Variants in WASF1 observed in about 807,000 individuals in gnomAD.
The protein encoded by WASF1 is actin-binding protein WASF1.
A neutral mutation model predicts 50.5 loss-of-function variants in WASF1; 7 were observed. The observed-to-expected ratio is 0.14, with a 90% CI of 0.08 to 0.26. The LOEUF (loss-of-function observed/expected upper bound fraction) is 0.26. Ranked by LOEUF, WASF1 falls within the 10% of genes least tolerant of loss-of-function variation. The pLI, the probability that WASF1 is intolerant of heterozygous loss-of-function variation, is 1.00. For missense variants in WASF1, 470 were observed against 694.7 expected (o/e 0.68, Z 3.64); for synonymous variants, 205 against 244.0 (o/e 0.84, Z 1.49).
chr6:110,130,801 C>G (rs867608509), intron 3 of WASF1, among the ~76,000 whole-genome samples: 79 of 152,284 alleles, frequency 5.2e-4, no homozygotes, highest in African/African-American at 1.8e-3. Flanking sequence ...GAGACTGTAC[C>G]AACACTTTAC....
chr6:110,103,920 T>C (rs891393740), intron 8 of WASF1, among the ~76,000 whole-genome samples: 32 of 152,138 alleles, frequency 2.1e-4, no homozygotes, highest in Admixed American at 2.1e-3. Context: ...TTTAGTTCTT[T>C]ACAAGAAGAT....
At chr6:110,176,817 T>C (rs1028527271) in intron 2 of WASF1, among the ~76,000 whole-genome samples, 8 of 152,072 alleles carry the variant, frequency 5.3e-5, no homozygotes, top group Non-Finnish European at 8.8e-5. Flanking sequence ...GAAAACATTA[T>C]AAAACAAATT....
intron 2 of WASF1, among the ~76,000 whole-genome samples, chr6:110,161,636 T>G (rs1776266911): frequency 6.6e-6 from 1 of 151,634 alleles, no homozygotes; most frequent in Non-Finnish European, 1.5e-5. Context: ...TTCTATAGCT[T>G]TTTTAAAAAA....
At chr6:110,174,150 C>T (rs899044781) in intron 2 of WASF1, among the ~76,000 whole-genome samples, 3 of 152,150 alleles carry the variant, frequency 2.0e-5, no homozygotes, top group Non-Finnish European at 4.4e-5. Context: ...TAAGCTTTAA[C>T]TGTTTCACCT....
chr6:110,126,995 T>A (rs925424945), intron 4 of WASF1, among the ~76,000 whole-genome samples: 2 of 152,164 alleles, frequency 1.3e-5, no homozygotes, highest in Non-Finnish European at 2.9e-5. Context: ...CCCACTTGAC[T>A]AGCCTACCCC....
intron 2 of WASF1, among the ~76,000 whole-genome samples, chr6:110,164,413 A>C (rs1347707818): frequency 6.6e-6 from 1 of 151,730 alleles, no homozygotes; most frequent in Non-Finnish European, 1.5e-5. Flanking sequence ...ATACTTCACC[A>C]AAAGAGATAC....
intron 3 of WASF1, among the ~76,000 whole-genome samples, chr6:110,153,225 A>G (rs548390842): frequency 7.9e-5 from 12 of 152,330 alleles, no homozygotes; most frequent in African/African-American, 1.4e-4. Flanking sequence ...AAAAAACTAC[A>G]AAATTGCTTT....
chr6:110,108,438 C>A, intron 6 of WASF1, 90 bp downstream of exon 6: 1 of 1,362,986 alleles, frequency 7.3e-7, no homozygotes, highest in Non-Finnish European at 1.0e-6. Context: ...TTGGCTAGAA[C>A]CCCAATGAAA....
intron 4 of WASF1, among the ~76,000 whole-genome samples, chr6:110,119,054 G>T (rs1483561763): frequency 6.6e-6 from 1 of 152,114 alleles, no homozygotes; most frequent in African/African-American, 2.4e-5. Context: ...GTGTGTAGAG[G>T]GAAATTTATA....
chr6:110,141,915 G>A (rs560855772), intron 3 of WASF1, among the ~76,000 whole-genome samples: 394 of 152,082 alleles, frequency 2.6e-3, no homozygotes, highest in Middle Eastern at 0.017. Context: ...GGGATTACAG[G>A]TGCGCACCGC....
chr6:110,109,385 G>T (rs1202304593), intron 5 of WASF1, among the ~76,000 whole-genome samples: 3 of 151,984 alleles, frequency 2.0e-5, no homozygotes, highest in African/African-American at 7.3e-5. Context: ...ATTTTGAACT[G>T]TGCAGCATGT....
rs1418636540 is a variant in WASF1, at chr6:110,160,647, A to G, written c.-41T>C. The stretch of plus-strand genomic sequence containing the variant: ...TTCTTAATTTTACCTTGAAGATTTT[A>G]ACGATTTTGCAGCCATAGCTTCCAC... On this transcript the variant is annotated 5_prime_UTR_variant, in exon 3 of 11. It removes the in-frame stop codon of an upstream open reading frame in the 5' UTR. Coordinates refer to ENST00000392589, the MANE Select transcript of WASF1 (RefSeq NM_003931.3). The G allele has an allele frequency of 1.3e-5, 2 of 151,774 alleles. No homozygotes were observed. Among genetic ancestry groups the G allele is most frequent in the African/African-American group, 2.4e-5 (1 of 41,402 alleles). 9.4% of individuals were successfully genotyped at this position (151,774 alleles called of 1,614,324 possible).
chr6:110,177,266 T>G (rs913716364), intron 2 of WASF1: 2 of 152,080 alleles, frequency 1.3e-5, no homozygotes, highest in African/African-American at 2.4e-5. Flanking sequence ...ATTCTACTTA[T>G]TATCAAGTCA....
At position 110,111,896 on chromosome 6, in the gene WASF1, T is replaced by G. The variant is rs988371831; in HGVS notation, c.268+1430A>C. 5.5e-4 allele frequency among the ~76,000 whole-genome samples: 83 copies of G among 152,122 alleles called. 1 individual carries two copies. The highest frequency in any genetic ancestry group is 7.4e-5 in the Non-Finnish European group (5 of 68,024). On this transcript the variant is annotated intron_variant, in intron 5 of 10. Transcript: ENST00000392589. ...GAATATACTAAAAAACACTGAATTGTACACTTCAACTTTAAATGGGTGAAC... is the reference window on the plus strand; with the variant it reads ...GAATATACTAAAAAACACTGAATTGGACACTTCAACTTTAAATGGGTGAAC...
At chr6:110,116,091 G>A (rs575673942) in intron 4 of WASF1, among the ~76,000 whole-genome samples, 3 of 152,238 alleles carry the variant, frequency 2.0e-5, no homozygotes, top group South Asian at 2.1e-4. Context: ...GAACAGCTCC[G>A]GTCTGCAGCT....
At chr6:110,148,375 A>C (rs1015758422) in intron 3 of WASF1, among the ~76,000 whole-genome samples, 1 of 152,136 alleles carries the variant, frequency 6.6e-6, no homozygotes, top group African/African-American at 2.4e-5. Context: ...AATTACGCTT[A>C]TAAGTATAAT....
chr6:110,153,192 T>C (rs1022354957), intron 3 of WASF1, among the ~76,000 whole-genome samples: 16 of 152,312 alleles, frequency 1.1e-4, no homozygotes, highest in African/African-American at 3.6e-4. Context: ...AGTGGAACGG[T>C]TGGGTTATAC....
At chr6:110,107,948 C>T (rs1437538011) in intron 6 of WASF1, among the ~76,000 whole-genome samples, 3 of 151,872 alleles carry the variant, frequency 2.0e-5, no homozygotes, top group African/African-American at 4.8e-5. Flanking sequence ...GGGTGGATCA[C>T]GAGGTCAGAT....
chr6:110,115,108 GAAAA>G (rs879806641), intron 4 of WASF1, among the ~76,000 whole-genome samples: 3 of 70,632 alleles, frequency 4.2e-5, no homozygotes, highest in Non-Finnish European at 9.2e-5. Context: ...CTCTCTCAAA[GAAAA>G]AAAAAAAAAC....
Sources: allele counts gnomAD v4.1 joint callset (sites outside exome capture counted in the v4.1 genomes callset), GRCh38; gene constraint gnomAD v4.1.1; transcripts MANE v1.5; gene names NCBI Gene and HGNC (gene_info 2026-07-23, HGNC 2026-07-21).